The following CSMD3 variants were observed in gnomAD, a reference collection of about 807,000 sequenced individuals.
CSMD3 encodes CUB and Sushi multiple domains 3, also known as CUB and sushi domain-containing protein 3.
Under a neutral mutation model 435.2 loss-of-function variants are expected in CSMD3, and 177 were observed. The ratio of observed to expected loss-of-function variants is 0.41; its 90% confidence interval spans 0.36 to 0.46. The LOEUF is 0.46. CSMD3 is among the 20% of genes least tolerant of loss of function. CSMD3 has a pLI of 0.34. For missense variants in CSMD3, 4,265 were observed against 4,504.6 expected, an observed-to-expected ratio of 0.95 and a Z score of 1.52; for synonymous variants, 1,656 against 1,520.5, an observed-to-expected ratio of 1.09 and a Z score of -2.07.
chr8:112,566,615 G>A (rs1829082907), intron 24 of CSMD3, among the ~76,000 whole-genome samples: 1 of 152,082 alleles, frequency 6.6e-6, no homozygotes, highest in Non-Finnish European at 1.5e-5. Flanking sequence ...ATAAAATCAA[G>A]CTGCAAACAT....
intron 17 of CSMD3, among the ~76,000 whole-genome samples, chr8:112,657,083 G>A (rs890450868): frequency 1.5e-5 from 2 of 136,866 alleles, no homozygotes; most frequent in Non-Finnish European, 3.1e-5. Flanking sequence ...TTTTTTTTGA[G>A]GCAAAATCTA....
intron 4 of CSMD3, among the ~76,000 whole-genome samples, chr8:113,152,176 G>T (rs2091822639): frequency 6.6e-6 from 1 of 151,898 alleles, no homozygotes; most frequent in Admixed American, 6.6e-5. Context: ...GATACTAGAT[G>T]TTTCATCCAA....
At chr8:113,099,211 A>G (rs2090260274) in intron 4 of CSMD3, among the ~76,000 whole-genome samples, 1 of 151,860 alleles carries the variant, frequency 6.6e-6, no homozygotes, top group African/African-American at 2.4e-5. Flanking sequence ...AAAGTAAGCA[A>G]AAAATCTACA....
At chr8:113,156,258 T>C (rs575809127) in intron 4 of CSMD3, among the ~76,000 whole-genome samples, 1 of 152,246 alleles carries the variant, frequency 6.6e-6, no homozygotes, top group Non-Finnish European at 1.5e-5. Flanking sequence ...TTAAATTGGA[T>C]ACAACTGCAA....
chr8:112,511,302 G>T (rs2130955036), intron 28 of CSMD3, among the ~76,000 whole-genome samples: 1 of 152,204 alleles, frequency 6.6e-6, no homozygotes, highest in African/African-American at 2.4e-5. Flanking sequence ...TAGTGGAGGA[G>T]GGTCTTGCCT....
chr8:112,477,421 G>A (rs983887630), intron 31 of CSMD3, among the ~76,000 whole-genome samples: 1 of 152,108 alleles, frequency 6.6e-6, no homozygotes, highest in Non-Finnish European at 1.5e-5. Flanking sequence ...TGCTGATATA[G>A]TTTGAATGTT....
intron 66 of CSMD3, among the ~76,000 whole-genome samples, chr8:112,239,022 T>C (rs7827543): frequency 0.19 from 28,370 of 151,902 alleles, 5,752 homozygotes; most frequent in African/African-American, 0.5. Flanking sequence ...CCTGTAACAA[T>C]AGCTGAGCCT....
At chr8:113,398,903 A>G (rs1184202781) in intron 1 of CSMD3, among the ~76,000 whole-genome samples, 1 of 151,604 alleles carries the variant, frequency 6.6e-6, no homozygotes, top group Non-Finnish European at 1.5e-5. Flanking sequence ...GATGAAACTG[A>G]GTGATGCTGG....
At chr8:112,347,889 ATC>A (rs1446664865) in intron 40 of CSMD3, among the ~76,000 whole-genome samples, 2 of 152,176 alleles carry the variant, frequency 1.3e-5, no homozygotes, top group Non-Finnish European at 2.9e-5. Context: ...GGCAAGGACT[ATC>A]TTTTATTTTC....
intron 59 of CSMD3, among the ~76,000 whole-genome samples, chr8:112,270,343 A>ACT: frequency 8.0e-6 from 1 of 124,232 alleles, no homozygotes; most frequent in Admixed American, 9.0e-5. Flanking sequence ...CAGAGGGGTG[A>ACT]GTGTGTGTGT....
chr8:113,118,495 A>G (rs879332018), intron 4 of CSMD3, among the ~76,000 whole-genome samples: 1 of 152,068 alleles, frequency 6.6e-6, no homozygotes, highest in East Asian at 1.9e-4. Flanking sequence ...GATTGGTGTT[A>G]TATTTGTAAA....
At chr8:112,550,898 A>G in intron 26 of CSMD3, 25 bp from the exon 27 acceptor site, 4 of 1,537,386 alleles carry the variant, frequency 2.6e-6, no homozygotes, top group Non-Finnish European at 3.6e-6. Flanking sequence ...TATTTCTCTG[A>G]TTATTTTAAA....
At chr8:113,382,230 G>C (rs1357346314) in intron 1 of CSMD3, among the ~76,000 whole-genome samples, 2 of 152,050 alleles carry the variant, frequency 1.3e-5, no homozygotes, top group African/African-American at 2.4e-5. Context: ...AAGATTCTAA[G>C]AATAATTAAG....
chr8:113,029,089 A>G (rs948195953), intron 5 of CSMD3, among the ~76,000 whole-genome samples: 3 of 151,538 alleles, frequency 2.0e-5, no homozygotes, highest in African/African-American at 7.2e-5. Context: ...GCTAATGCTC[A>G]TTTATTATTC....
At chr8:113,273,205 C>G (rs750402381) in intron 3 of CSMD3, among the ~76,000 whole-genome samples, 23 of 151,832 alleles carry the variant, frequency 1.5e-4, no homozygotes, top group Non-Finnish European at 2.9e-4. Context: ...TGAGATCCCA[C>G]TCATGGGATA....
At chr8:113,039,390 T>C (rs1399480383) in intron 5 of CSMD3, among the ~76,000 whole-genome samples, 1 of 152,208 alleles carries the variant, frequency 6.6e-6, no homozygotes, top group Non-Finnish European at 1.5e-5. Flanking sequence ...GGTTGCTTAC[T>C]TCACTTTTAT....
chr8:112,720,269 G>T (rs1189118453), intron 13 of CSMD3, among the ~76,000 whole-genome samples: 1 of 151,784 alleles, frequency 6.6e-6, no homozygotes, highest in African/African-American at 2.4e-5. Flanking sequence ...CAACTCATTT[G>T]GTTTAAATCC....
chr8:112,438,314 T>G (rs1814598393), intron 32 of CSMD3, among the ~76,000 whole-genome samples: 1 of 152,164 alleles, frequency 6.6e-6, no homozygotes, highest in Non-Finnish European at 1.5e-5. Flanking sequence ...TAAATTTTGA[T>G]TTCTGGTTAT....
chr8:112,762,576 A>C (rs750190275), intron 13 of CSMD3, among the ~76,000 whole-genome samples: 26 of 151,980 alleles, frequency 1.7e-4, no homozygotes, highest in Non-Finnish European at 2.9e-4. Flanking sequence ...TAAAAAATAC[A>C]ATATGGCATA....
Sources: gnomAD v4.1 joint callset for allele counts (sites outside exome capture counted in the v4.1 genomes callset) on GRCh38, gnomAD v4.1.1 for gene constraint, MANE v1.5 for transcripts, NCBI Gene and HGNC (gene_info 2026-07-23, HGNC 2026-07-21) for gene names.